FRMPD4: variants seen among roughly 807,000 people sequenced by gnomAD.
FRMPD4 encodes the protein FERM and PDZ domain-containing protein 4.
Under a neutral mutation model 94.1 loss-of-function variants are expected in FRMPD4, and 22 were observed. The ratio of observed to expected loss-of-function variants is 0.23; its 90% CI spans 0.17 to 0.33. The LOEUF (loss-of-function observed/expected upper bound fraction) is 0.33, where lower values mean the gene tolerates loss of function less well. FRMPD4 is among the 10% of genes least tolerant of loss of function. The pLI, the probability that FRMPD4 is intolerant of heterozygous loss-of-function variation, is 1.00. For synonymous variants in FRMPD4, 631 were observed against 548.6 expected, an observed-to-expected ratio of 1.15 and a Z score of -2.10; for missense variants, 1,111 against 1,339.9, an observed-to-expected ratio of 0.83 and a Z score of 2.67.
At chrX:11,830,930 T>A (rs1430715722) in intron 1 of FRMPD4, among the ~76,000 whole-genome samples, 1 of 111,589 alleles carries the variant, frequency 9.0e-6, no homozygotes, top group African/African-American at 3.3e-5. Flanking sequence ...TATATTTGGC[T>A]ACATACGGAC....
intron 3 of FRMPD4, among the ~76,000 whole-genome samples, chrX:11,963,505 G>A (rs1010431427): frequency 8.9e-6 from 1 of 112,036 alleles, no homozygotes; most frequent in Non-Finnish European, 1.9e-5. Context: ...TTTGCCAAGA[G>A]GTCTGTCATT....
At chrX:12,132,561 G>A (rs185942594) in intron 3 of FRMPD4, among the ~76,000 whole-genome samples, 8 of 111,589 alleles carry the variant, frequency 7.2e-5, no homozygotes, top group Non-Finnish European at 1.3e-4. Flanking sequence ...CTCAACCCTG[G>A]GCCATCTCAA....
chrX:12,700,882 A>G (rs2060181686), intron 9 of FRMPD4, among the ~76,000 whole-genome samples: 1 of 110,997 alleles, frequency 9.0e-6, no homozygotes, highest in Admixed American at 9.6e-5. Flanking sequence ...AGAACGCCAG[A>G]ACAGGTGGAT....
At position 12,160,149 on chromosome X, in the gene FRMPD4, G is replaced by A. The variant is rs1270557819; in HGVS notation, c.41+21137G>A. Among the ~76,000 whole-genome samples, 5 of 110,444 alleles carry A rather than the reference G, an allele frequency of 4.5e-5. No homozygotes were observed. In the Admixed American group the frequency reaches 4.8e-4, roughly 11 times the overall value. On this transcript the variant is annotated intron_variant, in intron 1 of 16. Coordinates refer to ENST00000675598, the MANE Select transcript of FRMPD4 (RefSeq NM_001368397.1). ...TTCCTATGCAGTTCTGTTCTGGTGA[G>A]TATGGTTTTCTGAGTTCATAGTGCT...
At position 12,378,262 on chromosome X, in the gene FRMPD4, CT is replaced by C. The variant is rs1322716447; in HGVS notation, c.42-120416del. ...GTATTGTATTTTAGTCGTTGTTCTTCTTCTTGTTCAAGGCTACAGCTTTAAC... is the reference window on the plus strand; with the variant it reads ...GTATTGTATTTTAGTCGTTGTTCTTCTCTTGTTCAAGGCTACAGCTTTAAC... On this transcript the variant is annotated intron_variant, in intron 1 of 16. Coordinates refer to ENST00000675598, the MANE Select transcript of FRMPD4 (RefSeq NM_001368397.1). 2.7e-5 allele frequency among the ~76,000 whole-genome samples: 3 copies of C among 112,559 alleles called. No individual in the cohort carries two copies. In the Admixed American group the frequency reaches 2.8e-4, roughly 11 times the overall value.
chrX:12,544,202 T>A (rs1480998386), intron 2 of FRMPD4, among the ~76,000 whole-genome samples: 1 of 110,715 alleles, frequency 9.0e-6, no homozygotes, highest in Non-Finnish European at 1.9e-5. Flanking sequence ...AACCTGCATG[T>A]TGTGCACATG....
At chrX:11,867,774 G>A (rs780316584) in intron 2 of FRMPD4, among the ~76,000 whole-genome samples, 3 of 111,162 alleles carry the variant, frequency 2.7e-5, no homozygotes, top group Non-Finnish European at 5.7e-5. Flanking sequence ...GTGTTCTGTT[G>A]TGACCTCATC....
At chrX:12,107,770 C>T (rs1382177041) in intron 3 of FRMPD4, among the ~76,000 whole-genome samples, 4 of 111,180 alleles carry the variant, frequency 3.6e-5, no homozygotes, top group African/African-American at 9.8e-5. Flanking sequence ...AACTATGTGA[C>T]GAATGCACAA....
At chrX:11,854,171 T>C (rs2053641216) in intron 1 of FRMPD4, among the ~76,000 whole-genome samples, 1 of 110,972 alleles carries the variant, frequency 9.0e-6, no homozygotes, top group African/African-American at 3.3e-5. Context: ...AACAATCAGA[T>C]CTTGTGAGAA....
chrX:12,117,815 C>T (rs1234420595), intron 3 of FRMPD4, among the ~76,000 whole-genome samples: 4 of 111,755 alleles, frequency 3.6e-5, no homozygotes, highest in African/African-American at 1.3e-4. Flanking sequence ...ATTTATTTGC[C>T]AGACTTATTT....
intron 1 of FRMPD4, among the ~76,000 whole-genome samples, chrX:12,287,393 T>C (rs781490989): frequency 9.0e-6 from 1 of 111,149 alleles, no homozygotes; most frequent in African/African-American, 3.3e-5. Context: ...ATGGTGATCA[T>C]AGAGCAATTG....
At chrX:11,833,528 T>C (rs1317052759) in intron 1 of FRMPD4, among the ~76,000 whole-genome samples, 1 of 112,131 alleles carries the variant, frequency 8.9e-6, no homozygotes, top group East Asian at 2.8e-4. Flanking sequence ...TTGGCCACTC[T>C]TGGCTTCTTT....
At chrX:12,544,667 T>C (rs753120688) in intron 2 of FRMPD4, among the ~76,000 whole-genome samples, 1 of 111,518 alleles carries the variant, frequency 9.0e-6, no homozygotes, top group Non-Finnish European at 1.9e-5. Flanking sequence ...TTTTATCCCA[T>C]GAAATTTGGG....
intron 1 of FRMPD4, among the ~76,000 whole-genome samples, chrX:12,209,026 C>G (rs755039563): frequency 2.7e-5 from 3 of 111,719 alleles, no homozygotes; most frequent in Non-Finnish European, 3.8e-5. Context: ...AACATAAAAA[C>G]TGTTTGTGAG....
chrX:12,277,120 CAAA>C (rs765802561), intron 1 of FRMPD4, among the ~76,000 whole-genome samples: 29 of 46,782 alleles, frequency 6.2e-4, no homozygotes, highest in Admixed American at 1.3e-3. Context: ...GACTCCGTCT[CAAA>C]AAAAAAAAAA....
At chrX:12,716,001 T>TA in intron 14 of FRMPD4, 68 bp from the exon 15 acceptor site, 4 of 231,645 alleles carry the variant, frequency 1.7e-5, no homozygotes, top group Non-Finnish European at 3.3e-5. Context: ...GAGACGAGCC[T>TA]CCCACCCCCG....
chrX:11,942,088 C>G (rs1284385079), intron 3 of FRMPD4, among the ~76,000 whole-genome samples: 18 of 112,237 alleles, frequency 1.6e-4, no homozygotes, highest in Non-Finnish European at 7.5e-5. Flanking sequence ...ACTGTTCTTT[C>G]TCAGTATAAA....
intron 5 of FRMPD4, among the ~76,000 whole-genome samples, chrX:12,679,814 G>T (rs1196507371): frequency 9.0e-6 from 1 of 111,404 alleles, no homozygotes; most frequent in East Asian, 2.8e-4. Context: ...GCCTATAATG[G>T]TGCCTTAGTA....
intron 1 of FRMPD4, among the ~76,000 whole-genome samples, chrX:12,236,439 T>A (rs1056436883): frequency 1.8e-5 from 2 of 111,914 alleles, no homozygotes; most frequent in East Asian, 5.6e-4. Context: ...AATTAAAAGC[T>A]CTTTAAAAGT....
Sources: allele counts gnomAD v4.1 joint callset (sites outside exome capture counted in the v4.1 genomes callset), GRCh38; gene constraint gnomAD v4.1.1; transcripts MANE v1.5; gene names NCBI Gene and HGNC (gene_info 2026-07-23, HGNC 2026-07-21).